PHACTR1: variants seen among roughly 807,000 people sequenced by gnomAD.
PHACTR1 encodes phosphatase and actin regulator 1, also known as RPEL repeat containing 1.
Under a neutral mutation model 69.2 loss-of-function variants are expected in PHACTR1, and 16 were observed. The observed-to-expected ratio is 0.23, with a 90% confidence interval of 0.16 to 0.35. PHACTR1 has a LOEUF of 0.35. PHACTR1 is among the 10% of genes least tolerant of loss of function. The pLI is 1.00. For missense variants in PHACTR1, 510 were observed against 734.7 expected, an observed-to-expected ratio of 0.69 and a Z score of 3.54; for synonymous variants, 312 against 284.5, an observed-to-expected ratio of 1.10 and a Z score of -0.97.
At chr6:13,230,619 G>C (rs934835281) in intron 10 of PHACTR1, among the ~76,000 whole-genome samples, 8 of 151,348 alleles carry the variant, frequency 5.3e-5, no homozygotes, top group African/African-American at 1.9e-4. Flanking sequence ...TTTCTATAGT[G>C]CCCTCTCCTT....
At chr6:12,878,228 T>C (rs1336601271) in intron 4 of PHACTR1, among the ~76,000 whole-genome samples, 1 of 152,178 alleles carries the variant, frequency 6.6e-6, no homozygotes, top group Admixed American at 6.5e-5. Context: ...TTGCCATGAG[T>C]ACAAGGACCC....
At chr6:13,159,496 G>A (rs994873338) in intron 5 of PHACTR1, among the ~76,000 whole-genome samples, 2 of 152,226 alleles carry the variant, frequency 1.3e-5, no homozygotes, top group Non-Finnish European at 2.9e-5. Context: ...GTTCAGGAAA[G>A]TTCAGTAAGA....
intron 3 of PHACTR1, among the ~76,000 whole-genome samples, chr6:12,720,613 G>A (rs1288459713): frequency 1.3e-5 from 2 of 152,182 alleles, no homozygotes; most frequent in Non-Finnish European, 2.9e-5. Flanking sequence ...CTGGAGTCAT[G>A]TTCGTATTAG....
At chr6:12,857,991 C>T (rs7748950) in intron 4 of PHACTR1, among the ~76,000 whole-genome samples, 107,606 of 152,102 alleles carry the variant, frequency 0.71, 38,900 homozygotes, top group East Asian at 0.99. Context: ...TGCCAGATAC[C>T]GTTCCAGGCA....
At chr6:12,869,316 C>A (rs1044177252) in intron 4 of PHACTR1, among the ~76,000 whole-genome samples, 2 of 152,224 alleles carry the variant, frequency 1.3e-5, no homozygotes, top group South Asian at 4.1e-4. Flanking sequence ...GCCTACTAAT[C>A]CAGTCCTGTC....
At position 13,246,780 on chromosome 6, in the gene PHACTR1, T is replaced by G. The variant is rs1773637028; in HGVS notation, c.1391+16587T>G. On this transcript the variant is annotated intron_variant, in intron 10 of 14. Coordinates refer to ENST00000332995, the MANE Select transcript of PHACTR1 (RefSeq NM_030948.6). The surrounding 1 kb of genome is among the most constrained non-coding windows in gnomAD (Gnocchi z 4.2). ...GAGATTACAACTGAGAAATTTGCAG[T>G]ACAGTTGTTCTTCACGTGTCCCCAT... is the stretch of plus-strand genomic sequence containing the variant. 6.6e-6 allele frequency among the ~76,000 whole-genome samples: 1 copy of G among 152,236 alleles called. No individual in the cohort carries two copies. The highest frequency in any genetic ancestry group is 6.5e-5 in the Admixed American group (1 of 15,282).
chr6:12,998,273 G>C (rs1654368288), intron 4 of PHACTR1, among the ~76,000 whole-genome samples: 1 of 152,108 alleles, frequency 6.6e-6, no homozygotes, highest in African/African-American at 2.4e-5. Context: ...TTTAAAAAGA[G>C]AATATAGGTG....
At chr6:13,254,007 T>C (rs908096559) in intron 10 of PHACTR1, among the ~76,000 whole-genome samples, 4 of 152,192 alleles carry the variant, frequency 2.6e-5, no homozygotes, top group Non-Finnish European at 4.4e-5. Context: ...GCAGGCAGAT[T>C]GCCTGAGGTC....
chr6:12,799,029 A>C (rs1773410136), intron 4 of PHACTR1, among the ~76,000 whole-genome samples: 2 of 151,784 alleles, frequency 1.3e-5, no homozygotes, highest in Non-Finnish European at 2.9e-5. Flanking sequence ...GTAGCAAATG[A>C]AAGCATTTCA....
intron 4 of PHACTR1, among the ~76,000 whole-genome samples, chr6:12,855,895 A>G (rs888823365): frequency 6.6e-6 from 1 of 152,210 alleles, no homozygotes; most frequent in Non-Finnish European, 1.5e-5. Context: ...TTAATTAAAG[A>G]TTTATTACTT....
At chr6:12,985,996 C>T (rs1031016936) in intron 4 of PHACTR1, among the ~76,000 whole-genome samples, 2 of 151,912 alleles carry the variant, frequency 1.3e-5, no homozygotes, top group Admixed American at 6.6e-5. Context: ...CCACCATGCC[C>T]GGCTAATTTT....
At chr6:13,276,824 T>C (rs1354324963) in intron 11 of PHACTR1, among the ~76,000 whole-genome samples, 2 of 152,130 alleles carry the variant, frequency 1.3e-5, no homozygotes, top group African/African-American at 4.8e-5. Context: ...ACCTGTCCCA[T>C]ACTGAGACAA....
chr6:12,869,062 A>T (rs1781759597), intron 4 of PHACTR1, among the ~76,000 whole-genome samples: 1 of 152,002 alleles, frequency 6.6e-6, no homozygotes, highest in South Asian at 2.1e-4. Context: ...TCTTCATCCA[A>T]GCCCCTTTCT....
At chr6:12,885,832 C>T (rs1007402867) in intron 4 of PHACTR1, among the ~76,000 whole-genome samples, 9 of 152,206 alleles carry the variant, frequency 5.9e-5, no homozygotes, top group East Asian at 3.9e-4. Context: ...CAGTGGCCCA[C>T]GCCTGTAATC....
chr6:13,180,640 T>C (rs141978993), intron 6 of PHACTR1, among the ~76,000 whole-genome samples: 1 of 152,338 alleles, frequency 6.6e-6, no homozygotes, highest in African/African-American at 2.4e-5. Flanking sequence ...TATTATACTT[T>C]GGAACATCAA....
At chr6:13,284,543 A>AAAAAAAAAAT (rs1554187813) in intron 13 of PHACTR1, among the ~76,000 whole-genome samples, 1 of 61,364 alleles carries the variant, frequency 1.6e-5, no homozygotes, top group Non-Finnish European at 2.6e-5. Flanking sequence ...AAAAAAAAAA[A>AAAAAAAAAAT]ATATATATAT....
At chr6:13,070,433 T>C (rs1344785006) in intron 5 of PHACTR1, among the ~76,000 whole-genome samples, 1 of 152,158 alleles carries the variant, frequency 6.6e-6, no homozygotes, top group African/African-American at 2.4e-5. Context: ...CTGAGGCAGT[T>C]ACTTAGTTAT....
At chr6:13,185,985 A>C (rs1762778316) in intron 7 of PHACTR1, among the ~76,000 whole-genome samples, 1 of 152,170 alleles carries the variant, frequency 6.6e-6, no homozygotes, top group Non-Finnish European at 1.5e-5. Context: ...AGTTCAGCTA[A>C]TGTTGTTTCC....
intron 4 of PHACTR1, among the ~76,000 whole-genome samples, chr6:12,951,792 AC>A (rs1177340466): frequency 6.6e-6 from 1 of 152,214 alleles, no homozygotes; most frequent in Non-Finnish European, 1.5e-5. Flanking sequence ...TTTTCTGTTG[AC>A]ATTGAGGCTA....
Sources: allele counts gnomAD v4.1 joint callset (sites outside exome capture counted in the v4.1 genomes callset), GRCh38; gene constraint gnomAD v4.1.1; non-coding constraint Gnocchi (gnomAD v3.1); transcripts MANE v1.5; gene names NCBI Gene and HGNC (gene_info 2026-07-23, HGNC 2026-07-21).